The following FRMD4A variants were observed in gnomAD, a reference collection of about 807,000 sequenced individuals.
The protein encoded by FRMD4A is FERM domain-containing protein 4A.
In FRMD4A, 29 loss-of-function variants were observed where a neutral mutation model predicts 129.1. The observed-to-expected ratio is 0.22, with a 90% CI of 0.17 to 0.31. The LOEUF is 0.31. Among genes scored for constraint, FRMD4A ranks in the 10% least tolerant of loss-of-function variants. FRMD4A has a pLI of 1.00. For synonymous variants in FRMD4A, 634 were observed against 571.6 expected (o/e 1.11, Z -1.56); for missense variants, 1,272 against 1,375.8 (o/e 0.92, Z 1.19).
At chr10:14,109,070 T>C (rs968199913) in intron 2 of FRMD4A, among the ~76,000 whole-genome samples, 1 of 152,172 alleles carries the variant, frequency 6.6e-6, no homozygotes, top group Non-Finnish European at 1.5e-5. Context: ...TTTGTTTCAC[T>C]TACATGAAAG....
chr10:14,054,875 C>T (rs919705429), intron 2 of FRMD4A, among the ~76,000 whole-genome samples: 4 of 152,128 alleles, frequency 2.6e-5, no homozygotes, highest in African/African-American at 4.8e-5. Context: ...TTTTGCCTGC[C>T]ACCATGTAAG....
Position 14,312,148 on chromosome 10 carries a change from T to C in FRMD4A, c.45+17910A>G, listed in dbSNP as rs141497527. On this transcript the variant is annotated intron_variant, in intron 2 of 24. Transcript: ENST00000357447. Reference sequence around the variant, plus strand: ...GCGGGGAGCATTCTGAGAATAGGCATGAAATTTGGGTATGATTCTTGGGAT... The same window carrying C: ...GCGGGGAGCATTCTGAGAATAGGCACGAAATTTGGGTATGATTCTTGGGAT... 2.0e-4 allele frequency among the ~76,000 whole-genome samples: 31 copies of C among 152,322 alleles called. No individual in the cohort carries two copies. In the East Asian group the frequency reaches 5.2e-3, roughly 26 times the overall value.
chr10:13,799,194 G>T (rs1564822743), intron 4 of FRMD4A, among the ~76,000 whole-genome samples: 1 of 152,196 alleles, frequency 6.6e-6, no homozygotes, highest in Non-Finnish European at 1.5e-5. Context: ...GTCTTGCTCT[G>T]TTGCCCAGGC....
At chr10:14,024,213 A>G (rs941651896) in intron 2 of FRMD4A, among the ~76,000 whole-genome samples, 3 of 152,232 alleles carry the variant, frequency 2.0e-5, no homozygotes, top group Admixed American at 2.0e-4. Context: ...ACCGCACATG[A>G]GTAAGAATAA....
intron 2 of FRMD4A, among the ~76,000 whole-genome samples, chr10:14,224,431 A>C (rs1843368025): frequency 6.6e-6 from 1 of 152,196 alleles, no homozygotes; most frequent in African/African-American, 2.4e-5. Flanking sequence ...GGTTTAGTTG[A>C]CTTTGTCTTT....
At chr10:13,839,657 C>T (rs1028239843) in intron 3 of FRMD4A, among the ~76,000 whole-genome samples, 21 of 152,258 alleles carry the variant, frequency 1.4e-4, no homozygotes, top group South Asian at 2.1e-4. Context: ...AAAGACACAC[C>T]GGCTCCAGGC....
At chr10:13,926,752 G>A (rs189512452) in intron 2 of FRMD4A, among the ~76,000 whole-genome samples, 86 of 152,262 alleles carry the variant, frequency 5.6e-4, no homozygotes, top group African/African-American at 2.0e-3. Flanking sequence ...TGCCCTACAC[G>A]ACAATGTACA....
At chr10:14,302,077 G>C (rs375492417) in intron 2 of FRMD4A, among the ~76,000 whole-genome samples, 1 of 152,128 alleles carries the variant, frequency 6.6e-6, no homozygotes, top group Non-Finnish European at 1.5e-5. Flanking sequence ...TAATGGAAAG[G>C]GTTTGATTTT....
chr10:14,314,550 T>C (rs554033983), intron 2 of FRMD4A, among the ~76,000 whole-genome samples: 1 of 152,248 alleles, frequency 6.6e-6, no homozygotes, highest in East Asian at 1.9e-4. Context: ...AGGAGAGCTC[T>C]CTTTACCACT....
intron 3 of FRMD4A, among the ~76,000 whole-genome samples, chr10:13,818,175 T>C (rs11258642): frequency 0.33 from 49,949 of 151,880 alleles, 9,739 homozygotes; most frequent in Non-Finnish European, 0.44. Flanking sequence ...TTATTATTAT[T>C]GTTTTTAGAT....
intron 2 of FRMD4A, among the ~76,000 whole-genome samples, chr10:14,133,520 G>A (rs769875002): frequency 6.6e-6 from 1 of 152,202 alleles, no homozygotes; most frequent in Admixed American, 6.5e-5. Context: ...ACCATGGGGA[G>A]GGCTTGATGG....
chr10:13,944,246 C>T (rs1813454574), intron 2 of FRMD4A, among the ~76,000 whole-genome samples: 1 of 152,138 alleles, frequency 6.6e-6, no homozygotes. Flanking sequence ...TGGGCTCCAC[C>T]TCCCATCAGA....
chr10:13,960,979 T>C (rs1429624722), intron 2 of FRMD4A, among the ~76,000 whole-genome samples: 1 of 152,216 alleles, frequency 6.6e-6, no homozygotes, highest in East Asian at 1.9e-4. Context: ...GAGTTAGAAA[T>C]AGATTTCTCT....
intron 4 of FRMD4A, among the ~76,000 whole-genome samples, chr10:13,797,000 G>A (rs184439147): frequency 2.5e-4 from 38 of 152,266 alleles, no homozygotes; most frequent in African/African-American, 8.7e-4. Context: ...GATTACAGGC[G>A]TGAGCCACTG....
intron 2 of FRMD4A, among the ~76,000 whole-genome samples, chr10:14,215,707 G>C (rs1404460156): frequency 6.6e-6 from 1 of 152,078 alleles, no homozygotes; most frequent in African/African-American, 2.4e-5. Context: ...TGAGGATCTT[G>C]GGGGAAGCCT....
chr10:13,706,979 A>G, intron 13 of FRMD4A, 58 bp downstream of exon 13: 1 of 897,332 alleles, frequency 1.1e-6, no homozygotes, highest in Non-Finnish European at 1.9e-6. Context: ...AATAATATCC[A>G]TAACACGCCC....
chr10:14,041,627 T>G (rs1036364077), intron 2 of FRMD4A, among the ~76,000 whole-genome samples: 2 of 152,142 alleles, frequency 1.3e-5, no homozygotes, highest in Non-Finnish European at 2.9e-5. Flanking sequence ...GGACTATTCA[T>G]AACAGCTCCA....
At chr10:13,861,123 C>T (rs1287387967) in intron 2 of FRMD4A, among the ~76,000 whole-genome samples, 1 of 152,198 alleles carries the variant, frequency 6.6e-6, no homozygotes, top group Non-Finnish European at 1.5e-5. Flanking sequence ...CAGTGGCCAG[C>T]CACCCTGCGT....
intron 2 of FRMD4A, among the ~76,000 whole-genome samples, chr10:13,923,590 T>C (rs2095097710): frequency 6.6e-6 from 1 of 152,220 alleles, no homozygotes; most frequent in African/African-American, 2.4e-5. Flanking sequence ...ATGTTTACCA[T>C]AAGGTTTCAT....
Sources: allele counts gnomAD v4.1 joint callset (sites outside exome capture counted in the v4.1 genomes callset), GRCh38; gene constraint gnomAD v4.1.1; transcripts MANE v1.5; gene names NCBI Gene and HGNC (gene_info 2026-07-23, HGNC 2026-07-21).